Variants in FANCC observed in about 807,000 individuals in gnomAD.
FANCC encodes Fanconi anemia group C protein.
Under a neutral mutation model 71.3 loss-of-function variants are expected in FANCC, and 55 were observed. That is an observed-to-expected ratio of 0.77 (90% confidence interval 0.62 to 0.97). The LOEUF is 0.97. Among genes scored for constraint, FANCC ranks in the 50% least tolerant of loss-of-function variants. The pLI is 0.00. For synonymous variants in FANCC, 275 were observed against 244.9 expected, an observed-to-expected ratio of 1.12 and a Z score of -1.15; for missense variants, 678 against 670.9, an observed-to-expected ratio of 1.01 and a Z score of -0.12.
At chr9:95,279,947 CAAAAAAAAAAA>C (rs71498957) in intron 1 of FANCC, among the ~76,000 whole-genome samples, 2 of 64,768 alleles carry the variant, frequency 3.1e-5, no homozygotes, top group African/African-American at 6.0e-5. Flanking sequence ...GACTCTGTCT[CAAAAAAAAAAA>C]AAAAAAAAAA....
At chr9:95,301,697 A>G (rs1406735079) in intron 1 of FANCC, among the ~76,000 whole-genome samples, 1 of 152,074 alleles carries the variant, frequency 6.6e-6, no homozygotes, top group Admixed American at 6.6e-5. Flanking sequence ...GTGAGTTGCC[A>G]TGCCCTGCCT....
chr9:95,173,625 T>C (rs1825828402), intron 4 of FANCC, among the ~76,000 whole-genome samples: 1 of 152,144 alleles, frequency 6.6e-6, no homozygotes, highest in African/African-American at 2.4e-5. Context: ...ACTAAAATGT[T>C]TACAAAGGGG....
rs534450732 is a variant in FANCC, at chr9:95,151,749, G to T, written c.522-1662C>A. ...TTAAGACCAGCACAGGTAACATGGA[G>T]AAACCCCAACTCTACAAAAAATACA... On this transcript the variant is annotated intron_variant, in intron 6 of 14. Transcript: ENST00000289081. Among the ~76,000 whole-genome samples, 3 of 152,102 alleles carry T rather than the reference G, an allele frequency of 2.0e-5. No homozygotes were observed. In the South Asian group the frequency reaches 6.2e-4, roughly 32 times the overall value.
intron 1 of FANCC, among the ~76,000 whole-genome samples, chr9:95,259,695 A>T (rs1030480717): frequency 6.6e-6 from 1 of 152,242 alleles, no homozygotes; most frequent in African/African-American, 2.4e-5. Flanking sequence ...GACAAATGGG[A>T]TCTAATTAAA....
At chr9:95,219,024 GT>G (rs1829056820) in intron 4 of FANCC, among the ~76,000 whole-genome samples, 1 of 152,178 alleles carries the variant, frequency 6.6e-6, no homozygotes, top group Non-Finnish European at 1.5e-5. Context: ...CCAATTCCTA[GT>G]TTTCTCCCTC....
At chr9:95,277,994 T>G (rs189843257) in intron 1 of FANCC, among the ~76,000 whole-genome samples, 1 of 152,344 alleles carries the variant, frequency 6.6e-6, no homozygotes, top group African/African-American at 2.4e-5. Flanking sequence ...TTCTCTCTTA[T>G]TCTCATAACT....
chr9:95,218,325 T>A (rs1257872361), intron 4 of FANCC, among the ~76,000 whole-genome samples: 1 of 152,122 alleles, frequency 6.6e-6, no homozygotes, highest in East Asian at 1.9e-4. Context: ...ATTAGCCAGC[T>A]GCAGAGGTAC....
At chr9:95,196,811 C>A (rs190136433) in intron 4 of FANCC, among the ~76,000 whole-genome samples, 5 of 152,298 alleles carry the variant, frequency 3.3e-5, no homozygotes, top group Non-Finnish European at 1.5e-5. Flanking sequence ...AGTTGGCAGA[C>A]CACGGACTCT....
intron 6 of FANCC, 148 bp downstream of exon 6, chr9:95,170,931 T>C: frequency 3.0e-6 from 2 of 676,690 alleles, no homozygotes; most frequent in Non-Finnish European, 2.6e-6. Context: ...ACTCACCAAT[T>C]TGCTATGTAT....
At chr9:95,232,805 C>G (rs1830090254) in intron 4 of FANCC, among the ~76,000 whole-genome samples, 1 of 152,208 alleles carries the variant, frequency 6.6e-6, no homozygotes, top group African/African-American at 2.4e-5. Flanking sequence ...TATGTTTTGT[C>G]AGGACTAACT....
chr9:95,292,744 G>A (rs1207864484), intron 1 of FANCC: 7 of 1,375,500 alleles, frequency 5.1e-6, no homozygotes, highest in Non-Finnish European at 7.3e-6. Context: ...CCAATCGAAG[G>A]CTGCCCCAGA....
chr9:95,167,982 T>C (rs1434854967), intron 6 of FANCC, among the ~76,000 whole-genome samples: 3 of 152,242 alleles, frequency 2.0e-5, no homozygotes, highest in Non-Finnish European at 4.4e-5. Flanking sequence ...CTTTCACCAG[T>C]GGACCCGGCT....
At position 95,101,291 on chromosome 9, in the gene FANCC, GCTAAGT is replaced by G. The variant is rs548572682; in HGVS notation, c.*410_*415del. 5.0e-4 allele frequency: 161 copies of G among 323,150 alleles called. No homozygotes were observed. The highest frequency in any genetic ancestry group is 3.1e-3 in the African/African-American group (150 of 48,646). 20.0% of individuals were successfully genotyped at this position (323,150 alleles called of 1,614,324 possible). The stretch of plus-strand genomic sequence containing the variant: ...GACTCCTAAAAAGAGTCTAAAAAGA[GCTAAGT>G]TCTCTCTAAATTCTTTAATGGTTCA... On this transcript the variant is annotated 3_prime_UTR_variant, in exon 15 of 15. Coordinates refer to ENST00000289081, the MANE Select transcript of FANCC (RefSeq NM_000136.3).
intron 6 of FANCC, among the ~76,000 whole-genome samples, chr9:95,154,162 C>G (rs1180772159): frequency 7.1e-6 from 1 of 140,210 alleles, no homozygotes; most frequent in Non-Finnish European, 1.5e-5. Flanking sequence ...AGGAGAATTG[C>G]TTGAATCCAG....
chr9:95,265,627 A>C (rs1832342116), intron 1 of FANCC, among the ~76,000 whole-genome samples: 1 of 152,184 alleles, frequency 6.6e-6, no homozygotes, highest in Non-Finnish European at 1.5e-5. Flanking sequence ...TGGTTAGACC[A>C]GTTAGAAAGT....
intron 1 of FANCC, chr9:95,292,338 A>G (rs1834077453): frequency 1.2e-6 from 1 of 850,580 alleles, no homozygotes; most frequent in Non-Finnish European, 1.4e-6. Context: ...TGCGGGAGCC[A>G]TGGCGGCCTC....
At chr9:95,301,881 T>C (rs1165886415) in intron 1 of FANCC, among the ~76,000 whole-genome samples, 13 of 147,700 alleles carry the variant, frequency 8.8e-5, no homozygotes, top group Non-Finnish European at 1.8e-4. Context: ...ATCCAGACCA[T>C]CCTGGCTAAC....
chr9:95,162,983 T>C lies in FANCC; in HGVS notation c.521+8096A>G, dbSNP rs1653317875. 2.0e-5 allele frequency among the ~76,000 whole-genome samples: 3 copies of C among 152,368 alleles called. No individual in the cohort carries two copies. In the South Asian group the frequency reaches 6.2e-4, roughly 32 times the overall value. On this transcript the variant is annotated intron_variant, in intron 6 of 14. Coordinates refer to ENST00000289081, the MANE Select transcript of FANCC (RefSeq NM_000136.3). The stretch of plus-strand genomic sequence containing the variant: ...TTCATGCAGTCCTATTTGTCTATTC[T>C]TGCTTTTCTTGCCTGTGCTTTTGGT...
intron 1 of FANCC, among the ~76,000 whole-genome samples, chr9:95,314,323 G>C (rs1391901411): frequency 6.6e-6 from 1 of 152,216 alleles, no homozygotes; most frequent in Non-Finnish European, 1.5e-5. Flanking sequence ...TGCTCTACCT[G>C]TGGAGTAGCC....
Sources: gnomAD v4.1 joint callset for allele counts (sites outside exome capture counted in the v4.1 genomes callset) on GRCh38, gnomAD v4.1.1 for gene constraint, MANE v1.5 for transcripts, NCBI Gene and HGNC (gene_info 2026-07-23, HGNC 2026-07-21) for gene names.